ALG5: variants seen among roughly 807,000 people sequenced by gnomAD.
ALG5 encodes the protein dolichyl-phosphate beta-glucosyltransferase.
A neutral mutation model predicts 51.8 loss-of-function variants in ALG5; 26 were observed. The observed-to-expected ratio is 0.50, with a 90% CI of 0.37 to 0.70. The LOEUF (loss-of-function observed/expected upper bound fraction) is 0.70, where lower values mean the gene tolerates loss of function less well. Ranked by LOEUF, ALG5 falls within the 30% of genes least tolerant of loss-of-function variation. The pLI is 0.00. For synonymous variants in ALG5, 141 were observed against 136.1 expected (o/e 1.04, Z -0.25); for missense variants, 311 against 399.3 (o/e 0.78, Z 1.88).
chr13:36,971,673 G>A (rs1012880764), intron 7 of ALG5, among the ~76,000 whole-genome samples: 5 of 81,858 alleles, frequency 6.1e-5, no homozygotes, highest in East Asian at 4.7e-4. Flanking sequence ...AAAAAAAAGC[G>A]TAATTTAAAG....
intron 7 of ALG5, among the ~76,000 whole-genome samples, chr13:36,970,898 G>A (rs749499475): frequency 3.9e-5 from 6 of 152,178 alleles, no homozygotes; most frequent in East Asian, 3.8e-4. Flanking sequence ...GTGACAGAGC[G>A]AGACTCTGTC....
At chr13:36,996,301 A>G (rs997850465) in intron 1 of ALG5, among the ~76,000 whole-genome samples, 4 of 152,212 alleles carry the variant, frequency 2.6e-5, no homozygotes, top group Admixed American at 2.6e-4. Context: ...CTTTCAAAAC[A>G]GTCTTTAAAT....
chr13:36,979,070 G>A (rs893530330), intron 6 of ALG5, among the ~76,000 whole-genome samples: 7 of 152,128 alleles, frequency 4.6e-5, no homozygotes, highest in African/African-American at 1.2e-4. Context: ...AGGCTGGAGT[G>A]CAGTGGCACG....
chr13:36,962,035 G>A lies in ALG5; in HGVS notation c.773+3540C>T, dbSNP rs2058869536. 2.6e-5 allele frequency among the ~76,000 whole-genome samples: 4 copies of A among 152,084 alleles called. No individual in the cohort carries two copies. The South Asian group carries it at 6.2e-4, about 24-fold the overall frequency. ...ACTCCTGACCTCAAGTGATCCACCC[G>A]CTTCGGCCTCCCAAAGTGCTGGGAT... On this transcript the variant is annotated intron_variant, in intron 8 of 9. Coordinates refer to ENST00000239891, the MANE Select transcript of ALG5 (RefSeq NM_013338.5).
chr13:36,989,117 CT>C (rs1359931837), intron 5 of ALG5, among the ~76,000 whole-genome samples: 1 of 152,162 alleles, frequency 6.6e-6, no homozygotes, highest in East Asian at 1.9e-4. Flanking sequence ...TCAAATTCAT[CT>C]TAGTTCATGC....
intron 8 of ALG5, among the ~76,000 whole-genome samples, chr13:36,963,307 A>G (rs1261746347): frequency 6.6e-6 from 1 of 152,308 alleles, no homozygotes; most frequent in South Asian, 2.1e-4. Context: ...CTCTTGTCTC[A>G]TATTTCTATT....
rs568253724 is a variant in ALG5 at position 36,972,517 on chromosome 13, C to T, written c.562-481G>A. 8.7e-4 allele frequency among the ~76,000 whole-genome samples: 33 copies of T among 37,776 alleles called. 2 individuals carry two copies. The East Asian group carries it at 0.25, about 291-fold the overall frequency. The allele number at this position is 37,776 out of a possible 152,430, so 24.8% of individuals were successfully genotyped here. On this transcript the variant is annotated intron_variant, in intron 6 of 9. Coordinates refer to ENST00000239891, the MANE Select transcript of ALG5 (RefSeq NM_013338.5). The stretch of plus-strand genomic sequence containing the variant: ...ACGAACAATAATCACAAGATATAAT[C>T]GAAGCATTTATAACACCAATAAAAA...
At chr13:36,995,138 C>T in intron 2 of ALG5, 103 bp from the exon 3 acceptor site, 1 of 991,514 alleles carries the variant, frequency 1.0e-6, no homozygotes, top group Non-Finnish European at 1.5e-6. Context: ...CTAACAAGCC[C>T]CTCTGGTACT....
intron 6 of ALG5, among the ~76,000 whole-genome samples, chr13:36,975,960 C>T (rs1225460756): frequency 6.7e-6 from 1 of 149,492 alleles, no homozygotes; most frequent in Non-Finnish European, 1.5e-5. Flanking sequence ...GGCAACAGAG[C>T]AGTAACTTGT....
chr13:36,972,523 A>AGCC (rs2058929111), intron 6 of ALG5, among the ~76,000 whole-genome samples: 2 of 119,982 alleles, frequency 1.7e-5, no homozygotes, highest in Admixed American at 1.7e-4. Context: ...TAATCGAAGC[A>AGCC]TTTATAACAC....
intron 4 of ALG5, 64 bp downstream of exon 4, chr13:36,993,540 T>A: frequency 7.1e-7 from 1 of 1,399,358 alleles, no homozygotes; most frequent in African/African-American, 1.4e-5. Context: ...AAGTGAGATT[T>A]CACATGTGCA....
rs763150166 is a variant in ALG5, at chr13:36,993,592, A to G, written c.354+12T>C. On this transcript the variant is annotated intron_variant, in intron 4 of 9. Coordinates refer to ENST00000239891, the MANE Select transcript of ALG5 (RefSeq NM_013338.5). ...TCTAACTATTGTCAATTCTAAAAGC[A>G]AGTGTATTTACCTTTGAGGTCTGAT... is the stretch of plus-strand genomic sequence containing the variant. 6.8e-6 allele frequency: 11 copies of G among 1,606,536 alleles called. No individual in the cohort carries two copies. In the East Asian group the frequency reaches 2.2e-4, roughly 33 times the overall value.
intron 1 of ALG5, among the ~76,000 whole-genome samples, chr13:36,998,322 C>T (rs998773798): frequency 2.0e-5 from 3 of 152,206 alleles, no homozygotes; most frequent in Admixed American, 6.5e-5. Flanking sequence ...CACCCAGATA[C>T]TATCAACAAA....
chr13:36,973,265 T>C (rs768907497), intron 6 of ALG5, among the ~76,000 whole-genome samples: 5 of 152,076 alleles, frequency 3.3e-5, no homozygotes, highest in Non-Finnish European at 7.3e-5. Context: ...ACTAAGGTGC[T>C]GGAATGTGAA....
chr13:36,979,177 T>C (rs1169389898), intron 6 of ALG5, among the ~76,000 whole-genome samples: 1 of 151,970 alleles, frequency 6.6e-6, no homozygotes, highest in Non-Finnish European at 1.5e-5. Flanking sequence ...CCACCATGCA[T>C]GGCTAAGTTT....
At chr13:36,954,139 T>C (rs1215646049) in intron 8 of ALG5, among the ~76,000 whole-genome samples, 1 of 152,114 alleles carries the variant, frequency 6.6e-6, no homozygotes, top group Non-Finnish European at 1.5e-5. Context: ...CAGGCTGGAA[T>C]GCAGTGGCGC....
At chr13:36,980,866 C>T (rs1207267589) in intron 6 of ALG5, among the ~76,000 whole-genome samples, 1 of 151,858 alleles carries the variant, frequency 6.6e-6, no homozygotes, top group Non-Finnish European at 1.5e-5. Context: ...TCCAGCTACT[C>T]GGGAGGCTGA....
intron 6 of ALG5, among the ~76,000 whole-genome samples, chr13:36,974,257 T>A (rs1186837886): frequency 6.6e-6 from 1 of 152,220 alleles, no homozygotes; most frequent in Non-Finnish European, 1.5e-5. Flanking sequence ...ACACTAGTTA[T>A]ATCTGAGGGT....
At chr13:36,993,221 A>G (rs568037665) in intron 4 of ALG5, among the ~76,000 whole-genome samples, 2 of 152,244 alleles carry the variant, frequency 1.3e-5, no homozygotes, top group Non-Finnish European at 1.5e-5. Flanking sequence ...GAAAGGACAC[A>G]CCTGCTTCCC....
Sources: gnomAD v4.1 joint callset for allele counts (sites outside exome capture counted in the v4.1 genomes callset) on GRCh38, gnomAD v4.1.1 for gene constraint, MANE v1.5 for transcripts, NCBI Gene and HGNC (gene_info 2026-07-23, HGNC 2026-07-21) for gene names.